KCNT2: variants seen among roughly 807,000 people sequenced by gnomAD.
The protein encoded by KCNT2 is potassium sodium-activated channel subfamily T member 2, also known as potassium channel subfamily T member 2.
In KCNT2, 67 loss-of-function variants were observed where a neutral mutation model predicts 153.8. The observed-to-expected ratio is 0.44, with a 90% CI of 0.36 to 0.53. The LOEUF is 0.53. Ranked by LOEUF, KCNT2 falls within the 20% of genes least tolerant of loss-of-function variation. KCNT2 has a pLI of 0.00. For synonymous variants in KCNT2, 500 were observed against 458.8 expected (o/e 1.09, Z -1.15); for missense variants, 975 against 1,354.8 (o/e 0.72, Z 4.40).
At chr1:196,239,806 A>G (rs1654784003) in intron 26 of KCNT2, among the ~76,000 whole-genome samples, 1 of 151,980 alleles carries the variant, frequency 6.6e-6, no homozygotes, top group Admixed American at 6.6e-5. Context: ...CTGTATTTGG[A>G]GATAGAGCCT....
chr1:196,563,647 C>T (rs1044323500), intron 1 of KCNT2, among the ~76,000 whole-genome samples: 1 of 151,792 alleles, frequency 6.6e-6, no homozygotes, highest in African/African-American at 2.4e-5. Flanking sequence ...TTCAATAGCA[C>T]ATTGATAAGA....
At chr1:196,359,156 C>T (rs1028824091) in intron 14 of KCNT2, among the ~76,000 whole-genome samples, 13 of 151,954 alleles carry the variant, frequency 8.6e-5, no homozygotes, top group Non-Finnish European at 1.9e-4. Flanking sequence ...TGTAAGTCAT[C>T]GTTCAATATA....
chr1:196,320,143 C>G (rs150641584), intron 19 of KCNT2, among the ~76,000 whole-genome samples: 3 of 151,612 alleles, frequency 2.0e-5, no homozygotes, highest in South Asian at 2.1e-4. Context: ...GATATACTCT[C>G]TATATATTAT....
At chr1:196,358,080 C>T (rs1266400903) in intron 14 of KCNT2, among the ~76,000 whole-genome samples, 3 of 151,476 alleles carry the variant, frequency 2.0e-5, no homozygotes, top group Admixed American at 6.6e-5. Flanking sequence ...TTCTAACTAT[C>T]ATTTTCTCTA....
chr1:196,334,266 AT>A (rs1664775763), intron 16 of KCNT2, among the ~76,000 whole-genome samples: 1 of 151,976 alleles, frequency 6.6e-6, no homozygotes, highest in Non-Finnish European at 1.5e-5. Flanking sequence ...GAAAATCTCT[AT>A]TTGCACAAAA....
chr1:196,423,158 T>C (rs1441460157), intron 11 of KCNT2, 45 bp from the exon 12 acceptor site: 1 of 1,282,548 alleles, frequency 7.8e-7, no homozygotes, highest in Non-Finnish European at 1.1e-6. Flanking sequence ...CTGAAATATC[T>C]ACAGGTTTTC....
At chr1:196,462,879 C>G (rs541805173) in intron 8 of KCNT2, among the ~76,000 whole-genome samples, 77 of 151,392 alleles carry the variant, frequency 5.1e-4, no homozygotes, top group African/African-American at 1.8e-3. Context: ...GTATGATATT[C>G]AGCTGGATAT....
intron 1 of KCNT2, among the ~76,000 whole-genome samples, chr1:196,567,338 G>A (rs576465829): frequency 1.3e-5 from 2 of 152,204 alleles, no homozygotes; most frequent in South Asian, 2.1e-4. Flanking sequence ...CTCCTTATCT[G>A]TCAAGGGCAA....
chr1:196,451,752 A>G (rs115351331), intron 8 of KCNT2, among the ~76,000 whole-genome samples: 1 of 151,864 alleles, frequency 6.6e-6, no homozygotes, highest in Non-Finnish European at 1.5e-5. Context: ...TGAAGGAACT[A>G]ATCTGTATTT....
intron 13 of KCNT2, among the ~76,000 whole-genome samples, chr1:196,387,715 T>C (rs534598084): frequency 1.3e-5 from 2 of 151,956 alleles, no homozygotes; most frequent in Non-Finnish European, 2.9e-5. Context: ...TATCCTTGTG[T>C]GTGTATAAAA....
At chr1:196,519,767 C>T (rs1190249073) in intron 1 of KCNT2, among the ~76,000 whole-genome samples, 2 of 152,102 alleles carry the variant, frequency 1.3e-5, no homozygotes, top group South Asian at 2.1e-4. Flanking sequence ...CCTGAACAGA[C>T]CAAAAATGAG....
intron 1 of KCNT2, among the ~76,000 whole-genome samples, chr1:196,547,346 A>AT (rs1164284132): frequency 6.6e-6 from 1 of 151,920 alleles, no homozygotes; most frequent in East Asian, 1.9e-4. Context: ...CCTTGCCATT[A>AT]TTTAAAAAAA....
At chr1:196,557,265 C>T (rs74134368) in intron 1 of KCNT2, among the ~76,000 whole-genome samples, 3,228 of 151,210 alleles carry the variant, frequency 0.021, 106 homozygotes, top group African/African-American at 0.074. Context: ...ATATATACAC[C>T]TACCATGTAC....
chr1:196,559,060 AC>A (rs1238753096), intron 1 of KCNT2, among the ~76,000 whole-genome samples: 1 of 151,350 alleles, frequency 6.6e-6, no homozygotes, highest in African/African-American at 2.4e-5. Context: ...TTACTTGGAA[AC>A]AAAAAAAAAA....
chr1:196,331,442 G>A lies in KCNT2; in HGVS notation c.1998-181C>T, dbSNP rs552453815. ...AACTGTGGCCCCAGGATCAAATATG[G>A]CCCTCCACATGGTTTTGAAAGGGTT... On this transcript the variant is annotated intron_variant, in intron 17 of 27. Transcript: ENST00000294725. Among the ~76,000 whole-genome samples, 22 of 152,090 alleles carry A rather than the reference G, an allele frequency of 1.4e-4. 2 individuals carry two copies. Among genetic ancestry groups the A allele is most frequent in the Admixed American group, 1.1e-3 (17 of 15,272 alleles).
chr1:196,509,243 G>A (rs60495441), intron 1 of KCNT2, among the ~76,000 whole-genome samples: 44,058 of 148,468 alleles, frequency 0.3, 6,661 homozygotes, highest in Admixed American at 0.37. Flanking sequence ...CCCTCCAGCC[G>A]GGGCAAAAAA....
At position 196,228,283 on chromosome 1, in the gene KCNT2, G is replaced by T; in HGVS notation, c.3349C>A (p.Arg1117=). 1.2e-6 allele frequency: 2 copies of T among 1,610,976 alleles called. No individual in the cohort carries two copies. The highest frequency in any genetic ancestry group is 2.2e-5 in the South Asian group (2 of 90,778). The stretch of plus-strand genomic sequence containing the variant: ...GTGACATTGCAGATGCTGTTTCTTC[G>T]ACTGGGCTCACTGTTTGGAAGGTAG... ...LAYLPNSEPS[R]RNSICNVTGQ... is the part of the protein sequence containing the mutation. Residue 1117 remains arginine, a synonymous_variant, in exon 28 of 28, where the codon CGA becomes AGA. Coordinates refer to ENST00000294725, the MANE Select transcript of KCNT2 (RefSeq NM_198503.5).
At chr1:196,569,302 G>A (rs993501659) in intron 1 of KCNT2, among the ~76,000 whole-genome samples, 1 of 151,896 alleles carries the variant, frequency 6.6e-6, no homozygotes, top group East Asian at 1.9e-4. Flanking sequence ...AATTTACTTT[G>A]AATAAAATAT....
rs563888936 is a variant in KCNT2 at position 196,378,813 on chromosome 1, TTA to T, written c.1295-5567_1295-5566del. ...TATGTAAACAACATTGTATATATAA[TTA>T]TATATATATATTATATATATATAAT... On this transcript the variant is annotated intron_variant, in intron 13 of 27. Transcript: ENST00000294725. Among the ~76,000 whole-genome samples the T allele has an allele frequency of 6.8e-5, 10 of 147,272 alleles. No homozygotes were observed. In the South Asian group the frequency reaches 8.5e-4, roughly 12 times the overall value.
Sources: gnomAD v4.1 joint callset for allele counts (sites outside exome capture counted in the v4.1 genomes callset) on GRCh38, gnomAD v4.1.1 for gene constraint, MANE v1.5 for transcripts, NCBI Gene and HGNC (gene_info 2026-07-23, HGNC 2026-07-21) for gene names.